Variants in PLAA observed in about 807,000 individuals in gnomAD.
PLAA encodes the protein phospholipase A2 activating protein.
In PLAA, 48 loss-of-function variants were observed where a neutral mutation model predicts 84.1. The ratio of observed to expected loss-of-function variants is 0.57; its 90% CI spans 0.45 to 0.73. The LOEUF (loss-of-function observed/expected upper bound fraction) is 0.73, where lower values mean the gene tolerates loss of function less well. Among genes scored for constraint, PLAA ranks in the 30% least tolerant of loss-of-function variants. PLAA has a pLI of 0.00. For synonymous variants in PLAA, 392 were observed against 336.6 expected (o/e 1.16, Z -1.80); for missense variants, 903 against 954.7 (o/e 0.95, Z 0.71).
chr9:26,937,712 A>G (rs1449034116), intron 1 of PLAA, among the ~76,000 whole-genome samples: 1 of 152,188 alleles, frequency 6.6e-6, no homozygotes, highest in African/African-American at 2.4e-5. Flanking sequence ...AAACCTATAA[A>G]GAAACCAAAA....
intron 13 of PLAA, chr9:26,907,573 GAAAA>G (rs896972960): frequency 5.4e-6 from 2 of 369,194 alleles, no homozygotes; most frequent in African/African-American, 4.3e-5. Flanking sequence ...AAAAAACAAA[GAAAA>G]CAAACAACAA....
chr9:26,936,793 G>A (rs577126589), intron 1 of PLAA, among the ~76,000 whole-genome samples: 4 of 152,226 alleles, frequency 2.6e-5, no homozygotes, highest in East Asian at 1.9e-4. Context: ...CACCTCCCCC[G>A]GTTGATGCAA....
At position 26,946,978 on chromosome 9, in the gene PLAA, C is replaced by T. The variant is rs747956857; in HGVS notation, c.68G>A (p.Gly23Asp). Residue 23 changes from glycine to aspartate, a missense_variant, in exon 1 of 14, where the codon GGC becomes GAC. Gly to Asp is a moderately conservative substitution (Grantham distance 94, BLOSUM62 -1). Coordinates refer to ENST00000397292, the MANE Select transcript of PLAA (RefSeq NM_001031689.3). ...SLRGHELDVR[G>D]LVCCAYPPGA... is the part of the protein sequence containing the mutation. Reference sequence around the variant, plus strand: ...CGGCGGATAGGCGCAGCACACCAGGCCCCGTACGTCCAGCTCGTGGCCCCG... The same window carrying T: ...CGGCGGATAGGCGCAGCACACCAGGTCCCGTACGTCCAGCTCGTGGCCCCG... 1.9e-6 allele frequency: 3 copies of T among 1,592,586 alleles called. No homozygotes were observed. The African/African-American group carries it at 4.0e-5, about 21-fold the overall frequency.
Position 26,905,203 on chromosome 9 carries a change from G to A in PLAA, c.*308C>T. ...TAAGTAATAAAAGCAAGTTATATGAGTAACAGCCCTTGTCTTCTTAGTGGC... is the reference window on the plus strand; with the variant it reads ...TAAGTAATAAAAGCAAGTTATATGAATAACAGCCCTTGTCTTCTTAGTGGC... On this transcript the variant is annotated 3_prime_UTR_variant, in exon 14 of 14. Coordinates refer to ENST00000397292, the MANE Select transcript of PLAA (RefSeq NM_001031689.3). The A allele has an allele frequency of 3.4e-6, 1 of 295,856 alleles. No individual in the cohort carries two copies. The highest frequency in any genetic ancestry group is 6.3e-6 in the Non-Finnish European group (1 of 158,334). The allele number at this position is 295,856 out of a possible 1,614,324, so 18.3% of individuals were successfully genotyped here. A position where few individuals can be genotyped will look rare whatever the true frequency, so the allele number is the denominator to read the frequency against.
In PLAA at chr9:26,913,145, G is replaced by A. The variant is rs1395531396; in HGVS notation, c.1555+734C>T. Among the ~76,000 whole-genome samples, 8 of 152,172 alleles carry A rather than the reference G, an allele frequency of 5.3e-5. No individual in the cohort carries two copies. The South Asian group carries it at 6.2e-4, about 12-fold the overall frequency. Reference sequence around the variant, plus strand: ...TATTTTAATGCTGAATAACATATATGTTACTCAATTTCTCTCATATAAATT... The same window carrying A: ...TATTTTAATGCTGAATAACATATATATTACTCAATTTCTCTCATATAAATT... On this transcript the variant is annotated intron_variant, in intron 11 of 13. Coordinates refer to ENST00000397292, the MANE Select transcript of PLAA (RefSeq NM_001031689.3).
At chr9:26,927,883 C>T (rs897174451) in intron 4 of PLAA, among the ~76,000 whole-genome samples, 3 of 152,078 alleles carry the variant, frequency 2.0e-5, no homozygotes, top group Admixed American at 2.0e-4. Context: ...TATCAGACAG[C>T]TATTTATCAG....
At chr9:26,945,652 G>C (rs989102730) in intron 1 of PLAA, among the ~76,000 whole-genome samples, 17 of 152,164 alleles carry the variant, frequency 1.1e-4, no homozygotes, top group African/African-American at 3.9e-4. Context: ...ATCAGATCAT[G>C]TTGCTCCCTG....
intron 1 of PLAA, among the ~76,000 whole-genome samples, chr9:26,939,931 A>G (rs1825478913): frequency 6.6e-6 from 1 of 152,210 alleles, no homozygotes; most frequent in Non-Finnish European, 1.5e-5. Context: ...TAGTTCTACA[A>G]TAATAGTTGA....
At chr9:26,915,018 G>C (rs572137528) in intron 10 of PLAA, among the ~76,000 whole-genome samples, 1 of 152,114 alleles carries the variant, frequency 6.6e-6, no homozygotes, top group Non-Finnish European at 1.5e-5. Context: ...TTCGAGACCA[G>C]CCTGACCAAC....
At chr9:26,906,595 T>G (rs1274007519) in intron 13 of PLAA, among the ~76,000 whole-genome samples, 1 of 152,038 alleles carries the variant, frequency 6.6e-6, no homozygotes, top group Non-Finnish European at 1.5e-5. Context: ...GCCCAGCTAA[T>G]TTTTGTATTG....
intron 1 of PLAA, among the ~76,000 whole-genome samples, chr9:26,941,462 A>C (rs761747401): frequency 1.3e-5 from 2 of 152,164 alleles, no homozygotes; most frequent in Non-Finnish European, 2.9e-5. Flanking sequence ...ACAACCAGCA[A>C]GCCCCATCCA....
In PLAA at chr9:26,947,082, G is replaced by A; in HGVS notation, c.-37C>T. 9 of 1,496,508 alleles carry A rather than the reference G, an allele frequency of 6.0e-6. No individual in the cohort carries two copies. The highest frequency in any genetic ancestry group is 8.0e-6 in the Non-Finnish European group (9 of 1,121,566). The allele number at this position is 1,496,508 out of a possible 1,614,324, so 92.7% of individuals were successfully genotyped here. ...GTCTGGCGCCCGGTGCCCAGGCACT[G>A]TGCGAGACCAGTCCGCAGGGGCGAC... On this transcript the variant is annotated 5_prime_UTR_variant, in exon 1 of 14. Coordinates refer to ENST00000397292, the MANE Select transcript of PLAA (RefSeq NM_001031689.3).
chr9:26,908,192 G>A (rs1274005316), intron 12 of PLAA, among the ~76,000 whole-genome samples, 194 bp from the exon 13 acceptor site: 1 of 148,202 alleles, frequency 6.7e-6, no homozygotes, highest in African/African-American at 2.5e-5. Context: ...TTTTGAGATG[G>A]AGTCCTGCTC....
intron 10 of PLAA, chr9:26,916,147 C>A (rs1824549263): frequency 1.0e-6 from 1 of 985,252 alleles, no homozygotes; most frequent in South Asian, 4.7e-5. Flanking sequence ...CAATCCACAA[C>A]TTCATGATGC....
Position 26,928,086 on chromosome 9 carries a change from T to C in PLAA, c.565+14A>G. 6.2e-7 allele frequency: 1 copy of C among 1,601,642 alleles called. No individual in the cohort carries two copies. On this transcript the variant is annotated intron_variant, in intron 4 of 13. Transcript: ENST00000397292. ...AAGCAATGATATTATAAAACTTGTC[T>C]ACCCTGATCTTACCTGAAAAAGTCC...
At chr9:26,920,094 A>G (rs1824709634) in intron 8 of PLAA, 133 bp downstream of exon 8, 3 of 649,984 alleles carry the variant, frequency 4.6e-6, no homozygotes, top group Non-Finnish European at 7.7e-6. Flanking sequence ...CAGGGAAAAA[A>G]AAGATTAGTT....
At chr9:26,938,233 T>C (rs897175058) in intron 1 of PLAA, among the ~76,000 whole-genome samples, 4 of 152,034 alleles carry the variant, frequency 2.6e-5, no homozygotes, top group African/African-American at 7.3e-5. Context: ...TCAAACTGAG[T>C]GCAGTAGCAC....
At chr9:26,910,919 C>T (rs1479539255) in intron 11 of PLAA, among the ~76,000 whole-genome samples, 2 of 152,146 alleles carry the variant, frequency 1.3e-5, no homozygotes, top group Non-Finnish European at 2.9e-5. Flanking sequence ...GCATGCTGAT[C>T]TCTCCTTTTA....
intron 13 of PLAA, among the ~76,000 whole-genome samples, chr9:26,907,299 G>A (rs191847794): frequency 1.4e-4 from 21 of 152,216 alleles, no homozygotes; most frequent in African/African-American, 4.6e-4. Context: ...CCAGGCTGAG[G>A]CGGGAGGATC....
Sources: allele counts gnomAD v4.1 joint callset (sites outside exome capture counted in the v4.1 genomes callset), GRCh38; gene constraint gnomAD v4.1.1; transcripts MANE v1.5; gene names NCBI Gene and HGNC (gene_info 2026-07-23, HGNC 2026-07-21).